HSD17B12: variants seen among roughly 807,000 people sequenced by gnomAD.
The protein encoded by HSD17B12 is very-long-chain 3-oxoacyl-CoA reductase.
Under a neutral mutation model 39.3 loss-of-function variants are expected in HSD17B12, and 32 were observed. That is an observed-to-expected ratio of 0.81 (90% CI 0.61 to 1.09). HSD17B12 has a LOEUF of 1.09. Ranked by LOEUF, HSD17B12 falls within the 50% of genes least tolerant of loss-of-function variation. The pLI, the probability that HSD17B12 is intolerant of heterozygous loss-of-function variation, is 0.00. For synonymous variants in HSD17B12, 150 were observed against 146.7 expected (o/e 1.02, Z -0.16); for missense variants, 342 against 382.9 (o/e 0.89, Z 0.89).
At chr11:43,842,582 A>G (rs1951437312) in intron 9 of HSD17B12, among the ~76,000 whole-genome samples, 1 of 152,136 alleles carries the variant, frequency 6.6e-6, no homozygotes, top group African/African-American at 2.4e-5. Flanking sequence ...CGAATGTTCT[A>G]TGTAGAATAT....
At chr11:43,679,831 T>A (rs1422835190), upstream of HSD17B12, among the ~76,000 whole-genome samples, 2 of 152,110 alleles carry the variant, frequency 1.3e-5, no homozygotes, top group African/African-American at 4.8e-5. Context: ...AGTGCTCAGC[T>A]GGGAGGGAGG....
intron 3 of HSD17B12, among the ~76,000 whole-genome samples, chr11:43,761,504 C>A (rs538920560): frequency 6.6e-6 from 1 of 151,628 alleles, no homozygotes; most frequent in East Asian, 1.9e-4. Context: ...AAGGAACAAC[C>A]ATTTTAGATG....
chr11:43,778,870 G>A (rs1180132690), intron 3 of HSD17B12, among the ~76,000 whole-genome samples: 1 of 152,044 alleles, frequency 6.6e-6, no homozygotes, highest in Non-Finnish European at 1.5e-5. Flanking sequence ...TGAAAAATTA[G>A]TTTATTAAAA....
chr11:43,844,980 G>GTTT lies in HSD17B12; in HGVS notation c.684+4916_684+4917insTTT, dbSNP rs1951461030. Among the ~76,000 whole-genome samples the GTTT allele has an allele frequency of 2.1e-5, 3 of 139,634 alleles. No homozygotes were observed. In the Admixed American group the frequency reaches 2.2e-4, roughly 10 times the overall value. The allele number at this position is 139,634 out of a possible 152,430, so 91.6% of individuals were successfully genotyped here. On this transcript the variant is annotated intron_variant, in intron 9 of 10. Coordinates refer to ENST00000278353, the MANE Select transcript of HSD17B12 (RefSeq NM_016142.3). The stretch of plus-strand genomic sequence containing the variant: ...GAGTGTGTACTTCTGAAAAATAAGG[G>GTTT]GTTGTTTGTTTGTTTGTTTGTTTGT...
At chr11:43,734,459 G>T in intron 1 of HSD17B12, 1 of 701,612 alleles carries the variant, frequency 1.4e-6, no homozygotes, top group South Asian at 1.5e-5. Context: ...CAGCCTGATC[G>T]AGCTGTGTAA....
intron 4 of HSD17B12, among the ~76,000 whole-genome samples, chr11:43,802,352 A>G (rs968465833): frequency 3.3e-5 from 5 of 152,180 alleles, no homozygotes; most frequent in Admixed American, 6.5e-5. Flanking sequence ...TAATATTTCA[A>G]TATATAATCA....
At position 43,854,759 on chromosome 11, in the gene HSD17B12, G is replaced by A. The variant is rs150160433; in HGVS notation, c.729G>A (p.Arg243=). 9 of 1,614,014 alleles carry A rather than the reference G, an allele frequency of 5.6e-6. No homozygotes were observed. The African/African-American group carries it at 1.2e-4, about 22-fold the overall frequency. The part of the protein sequence containing the change: ...YFVATKLAKI[R]KPTLDKPSPE... ...TAGCTACAAAACTGGCTAAAATCCGGAAGCCAACTTTGGATAAGCCCTCTC... is the reference window on the plus strand; with the variant it reads ...TAGCTACAAAACTGGCTAAAATCCGAAAGCCAACTTTGGATAAGCCCTCTC... The change falls in exon 10 of 11, where the codon CGG becomes CGA. Residue 243 remains arginine (R), a synonymous_variant. Transcript: ENST00000278353.
chr11:43,741,814 A>G (rs1483419576), intron 1 of HSD17B12, among the ~76,000 whole-genome samples: 10 of 146,542 alleles, frequency 6.8e-5, no homozygotes, highest in Admixed American at 2.0e-4. Context: ...GCTCACTGCA[A>G]CCTCCCCCTC....
chr11:43,763,208 T>C (rs1482323927), intron 3 of HSD17B12, among the ~76,000 whole-genome samples: 1 of 152,118 alleles, frequency 6.6e-6, no homozygotes, highest in East Asian at 1.9e-4. Context: ...TAAGCATAAG[T>C]CTTAGGTACC....
the HSD17B12 span, among the ~76,000 whole-genome samples, chr11:43,633,553 AAAAAT>A: frequency 1.3e-5 from 2 of 152,140 alleles, no homozygotes; most frequent in African/African-American, 2.4e-5. Context: ...TAAAATAAGT[AAAAAT>A]AAAATAAAAT....
At chr11:43,666,288 C>CA in the HSD17B12 span, among the ~76,000 whole-genome samples, 8 of 152,268 alleles carry the variant, frequency 5.3e-5, no homozygotes, top group South Asian at 1.2e-3. Context: ...ACTGCAGCCT[C>CA]AACCTCCTGG....
At chr11:43,582,209 C>G in the HSD17B12 span, among the ~76,000 whole-genome samples, 1 of 152,172 alleles carries the variant, frequency 6.6e-6, no homozygotes, top group East Asian at 1.9e-4. Context: ...CTGGGGAAGC[C>G]CCCGCAGAGA....
the HSD17B12 span, among the ~76,000 whole-genome samples, chr11:43,639,049 GGGTGAATCAAA>G: frequency 6.6e-6 from 1 of 152,158 alleles, no homozygotes; most frequent in African/African-American, 2.4e-5. Flanking sequence ...ACAGCCCTGA[GGGTGAATCAAA>G]GATAAGATTT....
At chr11:43,816,110 T>C (rs972460300) in intron 5 of HSD17B12, among the ~76,000 whole-genome samples, 2 of 152,210 alleles carry the variant, frequency 1.3e-5, no homozygotes, top group Non-Finnish European at 2.9e-5. Context: ...CTTCCAGATT[T>C]TACTTGCACA....
chr11:43,597,759 C>T, the HSD17B12 span, among the ~76,000 whole-genome samples: 5 of 152,118 alleles, frequency 3.3e-5, no homozygotes, highest in African/African-American at 4.8e-5. Flanking sequence ...CTCAGCCTCC[C>T]GAGGAGCTGG....
At chr11:43,610,118 T>G in the HSD17B12 span, among the ~76,000 whole-genome samples, 1 of 152,242 alleles carries the variant, frequency 6.6e-6, no homozygotes, top group Non-Finnish European at 1.5e-5. Context: ...TTTCTGAATG[T>G]ATTTTTCCCT....
the HSD17B12 span, among the ~76,000 whole-genome samples, chr11:43,626,270 T>G: frequency 6.6e-6 from 1 of 151,824 alleles, no homozygotes; most frequent in Non-Finnish European, 1.5e-5. Context: ...AGTTAAGCTA[T>G]TTTTAGATTT....
chr11:43,619,357 T>C, the HSD17B12 span, among the ~76,000 whole-genome samples: 18 of 145,246 alleles, frequency 1.2e-4, no homozygotes, highest in Admixed American at 1.0e-3. Flanking sequence ...CTTGAGCACT[T>C]ATGCATTCAA....
chr11:43,811,508 A>G (rs1459131217), intron 4 of HSD17B12, among the ~76,000 whole-genome samples: 7 of 152,220 alleles, frequency 4.6e-5, no homozygotes, highest in Non-Finnish European at 8.8e-5. Flanking sequence ...TTTATTTATG[A>G]AAACATAGCC....
Sources: gnomAD v4.1 joint callset for allele counts (sites outside exome capture counted in the v4.1 genomes callset) on GRCh38, gnomAD v4.1.1 for gene constraint, MANE v1.5 for transcripts, NCBI Gene and HGNC (gene_info 2026-07-23, HGNC 2026-07-21) for gene names.